The following BTG4 variants were observed in gnomAD, a reference collection of about 807,000 sequenced individuals.
The protein encoded by BTG4 is protein BTG4.
A neutral mutation model predicts 19.3 loss-of-function variants in BTG4; 10 were observed. That is an observed-to-expected ratio of 0.52 (90% CI 0.32 to 0.88). The LOEUF (loss-of-function observed/expected upper bound fraction) is 0.88. Ranked by LOEUF, BTG4 falls within the 40% of genes least tolerant of loss-of-function variation. The pLI, the probability that BTG4 is intolerant of heterozygous loss-of-function variation, is 0.04. For missense variants in BTG4, 238 were observed against 281.9 expected (o/e 0.84, Z 1.11); for synonymous variants, 91 against 95.7 (o/e 0.95, Z 0.29).
chr11:111,401,875 T>C, the BTG4 span, among the ~76,000 whole-genome samples: 1 of 152,238 alleles, frequency 6.6e-6, no homozygotes, highest in Non-Finnish European at 1.5e-5. Context: ...AATGAATGAA[T>C]GAATGAATGG....
At chr11:111,437,516 T>G in the BTG4 span, among the ~76,000 whole-genome samples, 1 of 152,228 alleles carries the variant, frequency 6.6e-6, no homozygotes, top group Admixed American at 6.5e-5. Context: ...GCCCAAGAGC[T>G]GTGCTCAACT....
At chr11:111,468,887 C>T (rs897501834) in intron 5 of BTG4, among the ~76,000 whole-genome samples, 4 of 152,090 alleles carry the variant, frequency 2.6e-5, no homozygotes, top group Non-Finnish European at 4.4e-5. Context: ...GTTTGAAAAC[C>T]ACTGCTTAAG....
Position 111,495,318 on chromosome 11 carries a change from GA to G in BTG4, c.511-5del, listed in dbSNP as rs768629922. On this transcript the variant is annotated splice_polypyrimidine_tract_variant and splice_region_variant and intron_variant, in intron 4 of 4. Coordinates refer to ENST00000692032, the MANE Select transcript of BTG4 (RefSeq NM_001367975.1). ...AGGGCTGTTTCAAGTTTTCAACCTG[GA>G]AAAAAAAAGTATAAAGATCTCTAAT... is the stretch of plus-strand genomic sequence containing the variant. The G allele has an allele frequency of 8.2e-5, 130 of 1,582,892 alleles. No homozygotes were observed. Among genetic ancestry groups the G allele is most frequent in the Admixed American group, 2.4e-4 (13 of 54,294 alleles).
At chr11:111,421,425 C>G in the BTG4 span, among the ~76,000 whole-genome samples, 140,206 of 152,276 alleles carry the variant, frequency 0.92, 64,893 homozygotes, top group East Asian at 1. Flanking sequence ...CTAGCAAGCA[C>G]AGCTAGTCAA....
At chr11:111,505,544 G>A (rs954541926) in intron 1 of BTG4, among the ~76,000 whole-genome samples, 1 of 151,858 alleles carries the variant, frequency 6.6e-6, no homozygotes, top group Non-Finnish European at 1.5e-5. Context: ...GAAAACCTAG[G>A]AAAACTCCTT....
chr11:111,462,562 A>G (rs1424433838), downstream of BTG4: 1 of 152,872 alleles, frequency 6.5e-6, no homozygotes, highest in Non-Finnish European at 1.5e-5. Context: ...AGGCTCAGCC[A>G]GGCCCTGGCT....
At chr11:111,405,181 G>A in the BTG4 span, among the ~76,000 whole-genome samples, 1 of 152,042 alleles carries the variant, frequency 6.6e-6, no homozygotes, top group East Asian at 1.9e-4. Context: ...CGAGGCGGGT[G>A]GATCAGGAAG....
At chr11:111,430,690 G>A in the BTG4 span, among the ~76,000 whole-genome samples, 523 of 152,282 alleles carry the variant, frequency 3.4e-3, 3 homozygotes, top group African/African-American at 0.012. Flanking sequence ...TCAAACAATT[G>A]TTAGCATATG....
chr11:111,498,182 A>G, intron 2 of BTG4, 47 bp from the exon 3 acceptor site: 1 of 1,603,412 alleles, frequency 6.2e-7, no homozygotes, highest in Non-Finnish European at 8.5e-7. Flanking sequence ...CAGACACTTT[A>G]GCAGGAGAAT....
the BTG4 span, among the ~76,000 whole-genome samples, chr11:111,428,926 T>C: frequency 0.34 from 52,020 of 152,006 alleles, 8,972 homozygotes; most frequent in Middle Eastern, 0.38. Context: ...ATTAAGCGAA[T>C]GTGCAATCAC....
At chr11:111,411,645 G>C in the BTG4 span, among the ~76,000 whole-genome samples, 8 of 152,310 alleles carry the variant, frequency 5.3e-5, no homozygotes, top group African/African-American at 1.9e-4. Flanking sequence ...GATTCTGACT[G>C]TATAGGGTTG....
chr11:111,408,359 A>G, the BTG4 span, among the ~76,000 whole-genome samples: 6 of 152,230 alleles, frequency 3.9e-5, no homozygotes, highest in Non-Finnish European at 8.8e-5. Flanking sequence ...GAAGAGATGC[A>G]GGGGACCTCA....
intron 5 of BTG4, among the ~76,000 whole-genome samples, chr11:111,481,240 A>G (rs1246360831): frequency 6.6e-6 from 1 of 151,954 alleles, no homozygotes; most frequent in African/African-American, 2.4e-5. Flanking sequence ...ACCCAATATG[A>G]CACATATTAT....
At chr11:111,452,680 G>A in the BTG4 span, 1 of 152,220 alleles carries the variant, frequency 6.6e-6, no homozygotes, top group South Asian at 2.1e-4. Flanking sequence ...TCTAATAGTT[G>A]CTAAGATGCA....
Position 111,504,575 on chromosome 11 carries a change from C to A in BTG4, c.-26-5773G>T, listed in dbSNP as rs79961543. 2.5e-3 allele frequency among the ~76,000 whole-genome samples: 385 copies of A among 152,040 alleles called. 3 individuals are homozygous for A. Among genetic ancestry groups the A allele is most frequent in the African/African-American group, 9.0e-3 (372 of 41,498 alleles). On this transcript the variant is annotated intron_variant, in intron 1 of 4. Coordinates refer to ENST00000692032, the MANE Select transcript of BTG4 (RefSeq NM_001367975.1). The stretch of plus-strand genomic sequence containing the variant: ...TTTATATAACGTTTCAAGTTAGAAA[C>A]CAAGATAACTCCTATTCAACATAGT...
intron 1 of BTG4, among the ~76,000 whole-genome samples, chr11:111,499,400 C>CA: frequency 6.6e-6 from 1 of 152,348 alleles, no homozygotes. Flanking sequence ...TCACCTTACA[C>CA]AGGTGCTGCC....
chr11:111,447,170 C>T, the BTG4 span, among the ~76,000 whole-genome samples: 1 of 152,178 alleles, frequency 6.6e-6, no homozygotes, highest in Non-Finnish European at 1.5e-5. Context: ...AGGACCTGAG[C>T]CTTTCTCTCC....
At chr11:111,475,769 A>T (rs1171458431) in intron 5 of BTG4, among the ~76,000 whole-genome samples, 1 of 152,198 alleles carries the variant, frequency 6.6e-6, no homozygotes, top group Non-Finnish European at 1.5e-5. Flanking sequence ...CATGCTGCTA[A>T]TAAAGACATG....
chr11:111,482,174 A>G (rs892879619), intron 5 of BTG4, among the ~76,000 whole-genome samples: 3 of 152,180 alleles, frequency 2.0e-5, no homozygotes, highest in Middle Eastern at 3.4e-3. Flanking sequence ...GTATTTCTAT[A>G]TATTACCAAT....
Sources: allele counts gnomAD v4.1 joint callset (sites outside exome capture counted in the v4.1 genomes callset), GRCh38; gene constraint gnomAD v4.1.1; transcripts MANE v1.5; gene names NCBI Gene and HGNC (gene_info 2026-07-23, HGNC 2026-07-21).